Variants in CHN2 observed in about 807,000 individuals in gnomAD.
CHN2 encodes the protein chimerin 2.
A neutral mutation model predicts 56.3 loss-of-function variants in CHN2; 35 were observed. That is an observed-to-expected ratio of 0.62 (90% CI 0.47 to 0.82). The LOEUF (loss-of-function observed/expected upper bound fraction) is 0.82. Ranked by LOEUF, CHN2 falls within the 40% of genes least tolerant of loss-of-function variation. The probability of loss-of-function intolerance (pLI) is 0.00; values close to 1 mark genes in which losing one functional copy is unlikely to be tolerated. For synonymous variants in CHN2, 210 were observed against 212.8 expected (o/e 0.99, Z 0.12); for missense variants, 491 against 580.5 (o/e 0.85, Z 1.58).
chr7:29,238,842 G>A (rs914338684), intron 1 of CHN2, among the ~76,000 whole-genome samples: 2 of 152,168 alleles, frequency 1.3e-5, no homozygotes, highest in Admixed American at 6.5e-5. Flanking sequence ...GAACATGCCT[G>A]GAGTGTTCAA....
At chr7:29,468,148 C>G (rs1371157610) in intron 6 of CHN2, among the ~76,000 whole-genome samples, 4 of 111,610 alleles carry the variant, frequency 3.6e-5, no homozygotes, top group Non-Finnish European at 6.1e-5. Flanking sequence ...CCGCCCCCCC[C>G]CCCCCCCGCC....
At chr7:29,350,091 T>C (rs36082545) in intron 1 of CHN2, among the ~76,000 whole-genome samples, 19,552 of 152,236 alleles carry the variant, frequency 0.13, 1,331 homozygotes, top group South Asian at 0.19. Flanking sequence ...ATAATAGTTT[T>C]GTTTTCTTGA....
intron 6 of CHN2, among the ~76,000 whole-genome samples, chr7:29,406,961 A>G (rs1173816645): frequency 6.6e-6 from 1 of 152,156 alleles, no homozygotes; most frequent in Non-Finnish European, 1.5e-5. Context: ...TTAAAATGTA[A>G]CACATTGCCC....
intron 1 of CHN2, among the ~76,000 whole-genome samples, chr7:29,287,376 T>C (rs1413067809): frequency 6.6e-6 from 1 of 152,182 alleles, no homozygotes; most frequent in Non-Finnish European, 1.5e-5. Flanking sequence ...AGTGACTACA[T>C]TCTAGACTCA....
At chr7:29,243,041 A>G (rs1306566622) in intron 1 of CHN2, among the ~76,000 whole-genome samples, 1 of 152,098 alleles carries the variant, frequency 6.6e-6, no homozygotes, top group African/African-American at 2.4e-5. Flanking sequence ...TATTTGTGAA[A>G]ATTTTTAATG....
chr7:29,361,142 T>C (rs951683265), intron 2 of CHN2, among the ~76,000 whole-genome samples: 4 of 152,204 alleles, frequency 2.6e-5, no homozygotes, highest in Admixed American at 1.3e-4. Flanking sequence ...CACCCAAGAA[T>C]TGACATACAT....
upstream of CHN2, chr7:29,192,450 A>G (rs1783010616): frequency 1.3e-5 from 2 of 152,208 alleles, no homozygotes; most frequent in African/African-American, 4.8e-5. Flanking sequence ...TGAATAATGA[A>G]ACCTGTTACC....
chr7:29,510,562 A>T (rs1012687917), intron 12 of CHN2, among the ~76,000 whole-genome samples: 3 of 152,048 alleles, frequency 2.0e-5, no homozygotes, highest in African/African-American at 7.2e-5. Flanking sequence ...TCACTCCCTC[A>T]CCAGCAGTTT....
At chr7:29,328,143 C>T (rs1482003676) in intron 1 of CHN2, among the ~76,000 whole-genome samples, 2 of 152,172 alleles carry the variant, frequency 1.3e-5, no homozygotes, top group East Asian at 1.9e-4. Flanking sequence ...TTCATTTCTG[C>T]TCGGCCTTGT....
At chr7:29,333,854 ACCAGATGAGTGTGTGTGAGCT>A (rs897188427) in intron 1 of CHN2, among the ~76,000 whole-genome samples, 6 of 152,174 alleles carry the variant, frequency 3.9e-5, no homozygotes, top group African/African-American at 1.4e-4. Context: ...AGAGTCAGGG[ACCAGATGAGTGTGTGTGAGCT>A]GGTGAGAAAA....
chr7:29,149,244 C>A (rs1177403478), intron 2 of CHN2, among the ~76,000 whole-genome samples: 1 of 127,846 alleles, frequency 7.8e-6, no homozygotes, highest in African/African-American at 3.0e-5. Flanking sequence ...CCAGGCTGGA[C>A]TGCAATGTCG....
chr7:29,475,948 A>T (rs563152868), intron 6 of CHN2, among the ~76,000 whole-genome samples: 1 of 152,336 alleles, frequency 6.6e-6, no homozygotes, highest in African/African-American at 2.4e-5. Context: ...TTCTGGAACT[A>T]GGTAGTGGTG....
intron 6 of CHN2, among the ~76,000 whole-genome samples, chr7:29,470,829 G>T (rs1426839009): frequency 6.6e-6 from 1 of 152,192 alleles, no homozygotes; most frequent in Non-Finnish European, 1.5e-5. Context: ...GAAATTGAGT[G>T]TCTTGACTTT....
At chr7:29,468,188 G>C (rs926582336) in intron 6 of CHN2, among the ~76,000 whole-genome samples, 3 of 130,748 alleles carry the variant, frequency 2.3e-5, no homozygotes, top group Admixed American at 1.9e-4. Context: ...TTGGTGTTGA[G>C]ATTGATGATG....
At chr7:29,250,201 G>C (rs781692212) in intron 1 of CHN2, among the ~76,000 whole-genome samples, 5 of 152,174 alleles carry the variant, frequency 3.3e-5, no homozygotes, top group Non-Finnish European at 7.4e-5. Context: ...GCCATTTGTA[G>C]CTTTTACAGC....
intron 3 of CHN2, among the ~76,000 whole-genome samples, chr7:29,382,259 GCAT>G (rs1800570959): frequency 6.6e-6 from 1 of 152,202 alleles, no homozygotes; most frequent in African/African-American, 2.4e-5. Context: ...CAGGGGCAGA[GCAT>G]CTGGGTGGCT....
At position 29,381,809 on chromosome 7, in the gene CHN2, C is replaced by CAAAAAA. The variant is rs60652952; in HGVS notation, c.145-11848_145-11843dup. On this transcript the variant is annotated intron_variant, in intron 3 of 12. Coordinates refer to ENST00000222792, the MANE Select transcript of CHN2 (RefSeq NM_004067.4). ...AAAAGTCTATTCTCACTAAACTAAG[C>CAAAAAA]AAAAAAAAAAAAAAAAAAAAAAAAA... Among the ~76,000 whole-genome samples, 10 of 39,508 alleles carry CAAAAAA rather than the reference C, an allele frequency of 2.5e-4. 1 individual carries two copies. Among genetic ancestry groups the CAAAAAA allele is most frequent in the Non-Finnish European group, 3.2e-4 (6 of 19,044 alleles). The allele number at this position is 39,508 out of a possible 152,430, so 25.9% of individuals were successfully genotyped here.
At chr7:29,472,215 G>A (rs1016124749) in intron 6 of CHN2, among the ~76,000 whole-genome samples, 6 of 140,060 alleles carry the variant, frequency 4.3e-5, no homozygotes, top group Admixed American at 8.3e-5. Flanking sequence ...GGACATCACC[G>A]CACCTCCTTA....
At chr7:29,152,195 G>A (rs1185564790) in intron 2 of CHN2, among the ~76,000 whole-genome samples, 1 of 152,148 alleles carries the variant, frequency 6.6e-6, no homozygotes, top group Non-Finnish European at 1.5e-5. Context: ...TGGGCAAAAG[G>A]TATTTCTTGG....
Sources: allele counts gnomAD v4.1 joint callset (sites outside exome capture counted in the v4.1 genomes callset), GRCh38; gene constraint gnomAD v4.1.1; transcripts MANE v1.5; gene names NCBI Gene and HGNC (gene_info 2026-07-23, HGNC 2026-07-21).